OPCML: variants seen among roughly 807,000 people sequenced by gnomAD.
OPCML encodes the protein opioid-binding protein/cell adhesion molecule.
A neutral mutation model predicts 37.8 loss-of-function variants in OPCML; 13 were observed. The ratio of observed to expected loss-of-function variants is 0.34; its 90% confidence interval spans 0.22 to 0.55. The LOEUF (loss-of-function observed/expected upper bound fraction) is 0.55, where lower values mean the gene tolerates loss of function less well. Ranked by LOEUF, OPCML falls within the 20% of genes least tolerant of loss-of-function variation. The pLI is 0.91. For synonymous variants in OPCML, 176 were observed against 168.8 expected, an observed-to-expected ratio of 1.04 and a Z score of -0.33; for missense variants, 341 against 435.6, an observed-to-expected ratio of 0.78 and a Z score of 1.93.
chr11:133,422,588 C>A (rs1945915157), intron 1 of OPCML: 3 of 955,738 alleles, frequency 3.1e-6, no homozygotes, highest in Non-Finnish European at 2.5e-6. Flanking sequence ...AACTCCTGGG[C>A]TCAAGCAATC....
At chr11:132,439,514 C>T (rs925060101) in intron 4 of OPCML, among the ~76,000 whole-genome samples, 6 of 152,202 alleles carry the variant, frequency 3.9e-5, no homozygotes, top group African/African-American at 2.4e-5. Flanking sequence ...GTTATGCAAA[C>T]ACTTTCTTGC....
intron 1 of OPCML, among the ~76,000 whole-genome samples, chr11:133,341,102 C>G (rs549531053): frequency 2.0e-5 from 3 of 152,174 alleles, no homozygotes; most frequent in Non-Finnish European, 4.4e-5. Context: ...CAGCTGCGAG[C>G]TTCTTGTGGG....
intron 1 of OPCML, among the ~76,000 whole-genome samples, chr11:133,433,763 C>A (rs1216217229): frequency 1.3e-5 from 2 of 152,136 alleles, no homozygotes; most frequent in Non-Finnish European, 2.9e-5. Flanking sequence ...TCCCCCTTAA[C>A]CCACTTCAGG....
intron 1 of OPCML, chr11:133,008,534 C>CA (rs1483691505): frequency 2.9e-6 from 2 of 678,122 alleles, no homozygotes; most frequent in African/African-American, 3.9e-5. Context: ...GGAAGGCTCC[C>CA]AGCTGAGCCT....
At chr11:132,986,499 G>T (rs1220227916) in intron 1 of OPCML, among the ~76,000 whole-genome samples, 1 of 152,184 alleles carries the variant, frequency 6.6e-6, no homozygotes, top group Non-Finnish European at 1.5e-5. Context: ...GAATGTGCAT[G>T]ATTATTATCA....
At chr11:132,439,481 C>A (rs192197796) in intron 4 of OPCML, among the ~76,000 whole-genome samples, 147 of 152,344 alleles carry the variant, frequency 9.6e-4, no homozygotes, top group Non-Finnish European at 1.6e-3. Flanking sequence ...AGTTCATACA[C>A]TAACTCTTCA....
At chr11:132,541,279 T>C (rs964710518) in intron 3 of OPCML, among the ~76,000 whole-genome samples, 3 of 152,172 alleles carry the variant, frequency 2.0e-5, no homozygotes, top group African/African-American at 7.2e-5. Context: ...AACATGGTCA[T>C]GGCAGTCTCT....
chr11:133,003,595 G>T, intron 1 of OPCML: 1 of 940,614 alleles, frequency 1.1e-6, no homozygotes, highest in Non-Finnish European at 1.3e-6. Flanking sequence ...ATTAGAAGTT[G>T]GATATTGGCT....
chr11:132,598,138 T>C (rs1174581317), intron 3 of OPCML, among the ~76,000 whole-genome samples: 1 of 152,176 alleles, frequency 6.6e-6, no homozygotes, highest in African/African-American at 2.4e-5. Context: ...GGCGTAAGGA[T>C]ACAGAGAAAA....
intron 2 of OPCML, among the ~76,000 whole-genome samples, chr11:132,903,586 A>G (rs1359797945): frequency 6.6e-6 from 1 of 152,186 alleles, no homozygotes; most frequent in Admixed American, 6.5e-5. Flanking sequence ...GGCCCAGCTC[A>G]GGAGTTCACA....
rs1943930169 is a variant in OPCML at position 133,343,718 on chromosome 11, TG to T, written c.61+188545del. Among the ~76,000 whole-genome samples, 3 of 152,306 alleles carry T rather than the reference TG, an allele frequency of 2.0e-5. No individual in the cohort carries two copies. In the South Asian group the frequency reaches 6.2e-4, roughly 32 times the overall value. Reference sequence around the variant, plus strand: ...ACTGTAATGGATTTAATACCAATCATGGATACTTAAAATAAAATTCAATCAC... The same window carrying T: ...ACTGTAATGGATTTAATACCAATCATGATACTTAAAATAAAATTCAATCAC... On this transcript the variant is annotated intron_variant, in intron 1 of 7. Coordinates refer to ENST00000524381, the MANE Select transcript of OPCML (RefSeq NM_001012393.5).
At chr11:132,830,732 T>C (rs1412915879) in intron 2 of OPCML, among the ~76,000 whole-genome samples, 1 of 152,242 alleles carries the variant, frequency 6.6e-6, no homozygotes, top group Non-Finnish European at 1.5e-5. Flanking sequence ...TAAAGAATTC[T>C]GCCTCTCTAT....
At chr11:133,411,819 C>G (rs2136869013) in intron 1 of OPCML, among the ~76,000 whole-genome samples, 1 of 152,292 alleles carries the variant, frequency 6.6e-6, no homozygotes, top group Non-Finnish European at 1.5e-5. Context: ...AAGAGCCTTC[C>G]TCCACTTCAT....
intron 1 of OPCML, among the ~76,000 whole-genome samples, chr11:132,988,396 G>A (rs756604134): frequency 6.6e-6 from 1 of 152,072 alleles, no homozygotes; most frequent in Non-Finnish European, 1.5e-5. Flanking sequence ...TCCAATGTCT[G>A]TCTCATCTCT....
At chr11:133,016,299 A>G (rs577372878) in intron 1 of OPCML, among the ~76,000 whole-genome samples, 2 of 152,206 alleles carry the variant, frequency 1.3e-5, no homozygotes, top group East Asian at 1.9e-4. Context: ...TCTGCTTCAC[A>G]CTTTCTTAAG....
At chr11:133,192,084 A>G (rs542727241) in intron 1 of OPCML, among the ~76,000 whole-genome samples, 1 of 152,348 alleles carries the variant, frequency 6.6e-6, no homozygotes, top group East Asian at 1.9e-4. Context: ...TAAATGCTCA[A>G]TAAATGTTGG....
intron 4 of OPCML, among the ~76,000 whole-genome samples, chr11:132,516,172 A>G (rs892051827): frequency 2.0e-5 from 3 of 152,222 alleles, no homozygotes; most frequent in African/African-American, 7.2e-5. Context: ...AAAACTTAAT[A>G]TAATTAAAAC....
chr11:133,176,482 G>A (rs1195619967), intron 1 of OPCML, among the ~76,000 whole-genome samples: 1 of 152,026 alleles, frequency 6.6e-6, no homozygotes, highest in African/African-American at 2.4e-5. Flanking sequence ...TACTGGGAGT[G>A]AGGCCTGGTG....
rs150461281 is a variant in OPCML at position 133,320,492 on chromosome 11, A to C, written c.61+211772T>G. Among the ~76,000 whole-genome samples, 1,006 of 152,284 alleles carry C rather than the reference A, an allele frequency of 6.6e-3. 2 individuals carry two copies. Among genetic ancestry groups the C allele is most frequent in the Middle Eastern group, 0.014 (4 of 294 alleles). ...AACTCAGAGGTTCTTGTTGTAATTA[A>C]ATGAGAAAATTAAATGAAGCAAGTA... On this transcript the variant is annotated intron_variant, in intron 1 of 7. Coordinates refer to ENST00000524381, the MANE Select transcript of OPCML (RefSeq NM_001012393.5).
Sources: gnomAD v4.1 joint callset for allele counts (sites outside exome capture counted in the v4.1 genomes callset) on GRCh38, gnomAD v4.1.1 for gene constraint, MANE v1.5 for transcripts, NCBI Gene and HGNC (gene_info 2026-07-23, HGNC 2026-07-21) for gene names.